Variants in FSTL4 observed in about 807,000 individuals in gnomAD.
FSTL4 encodes follistatin like 4.
Under a neutral mutation model 78.2 loss-of-function variants are expected in FSTL4, and 28 were observed. The ratio of observed to expected loss-of-function variants is 0.36; its 90% confidence interval spans 0.27 to 0.49. The LOEUF is 0.49. Among genes scored for constraint, FSTL4 ranks in the 20% least tolerant of loss-of-function variants. The pLI, the probability that FSTL4 is intolerant of heterozygous loss-of-function variation, is 0.98. For synonymous variants in FSTL4, 422 were observed against 440.5 expected (o/e 0.96, Z 0.53); for missense variants, 922 against 1,084.9 (o/e 0.85, Z 2.11).
intron 3 of FSTL4, among the ~76,000 whole-genome samples, chr5:133,552,157 T>C (rs1365411196): frequency 2.6e-5 from 4 of 152,102 alleles, no homozygotes. Context: ...CTTTCCTCTC[T>C]CCCCCATCTC....
In FSTL4 at chr5:133,399,304, G is replaced by A. The variant is rs144425012; in HGVS notation, c.409+1434C>T. 7.2e-5 allele frequency among the ~76,000 whole-genome samples: 11 copies of A among 152,286 alleles called. No homozygotes were observed. The East Asian group carries it at 9.6e-4, about 13-fold the overall frequency. The stretch of plus-strand genomic sequence containing the variant: ...TGGGCAGTGCTTCCAGAATGGGGAC[G>A]TTTTTCCTAGGCTCATTTTGGCCTC... On this transcript the variant is annotated intron_variant, in intron 4 of 15. Transcript: ENST00000265342.
chr5:133,491,348 C>T (rs189715846), intron 3 of FSTL4, among the ~76,000 whole-genome samples: 78 of 150,570 alleles, frequency 5.2e-4, no homozygotes, highest in Non-Finnish European at 8.7e-4. Context: ...CCCAATAATG[C>T]TTTTGTGCCT....
intron 3 of FSTL4, among the ~76,000 whole-genome samples, chr5:133,421,363 G>C (rs139804556): frequency 1.4e-4 from 21 of 152,338 alleles, no homozygotes; most frequent in African/African-American, 5.1e-4. Flanking sequence ...CCTAGCTGAG[G>C]CTCTACATTT....
the FSTL4 span, among the ~76,000 whole-genome samples, chr5:133,724,000 G>A: frequency 6.6e-6 from 1 of 152,250 alleles, no homozygotes; most frequent in African/African-American, 2.4e-5. Context: ...AAATTGGGCA[G>A]GCTGTGCCAT....
At chr5:133,694,839 G>A in the FSTL4 span, among the ~76,000 whole-genome samples, 7,141 of 152,256 alleles carry the variant, frequency 0.047, 248 homozygotes, top group Non-Finnish European at 0.073. Flanking sequence ...TCCTCACATG[G>A]CAGAGAGCAG....
At chr5:133,281,097 C>T (rs1752998005) in intron 6 of FSTL4, among the ~76,000 whole-genome samples, 2 of 152,202 alleles carry the variant, frequency 1.3e-5, no homozygotes, top group Admixed American at 6.5e-5. Flanking sequence ...TGAGCCTGCA[C>T]ACCGGTCCCT....
At chr5:133,333,047 C>T (rs1369629001) in intron 4 of FSTL4, among the ~76,000 whole-genome samples, 1 of 152,160 alleles carries the variant, frequency 6.6e-6, no homozygotes, top group African/African-American at 2.4e-5. Flanking sequence ...CACACACATA[C>T]ACACACACTC....
chr5:133,424,102 C>A (rs546180464), intron 3 of FSTL4, among the ~76,000 whole-genome samples: 54 of 152,330 alleles, frequency 3.5e-4, no homozygotes, highest in Non-Finnish European at 6.0e-4. Context: ...CTGTCTGACG[C>A]CAGCAGAAGA....
chr5:133,592,595 G>T (rs1355196543), intron 2 of FSTL4, among the ~76,000 whole-genome samples: 3 of 152,146 alleles, frequency 2.0e-5, no homozygotes, highest in Non-Finnish European at 4.4e-5. Flanking sequence ...CTCAGTGTTG[G>T]GGGTGAGGCC....
chr5:133,826,706 T>G, the FSTL4 span, among the ~76,000 whole-genome samples: 1 of 152,144 alleles, frequency 6.6e-6, no homozygotes, highest in African/African-American at 2.4e-5. Context: ...TGCAAAACTG[T>G]TTTTCCAAAT....
chr5:133,837,346 T>C, the FSTL4 span, among the ~76,000 whole-genome samples: 1 of 152,216 alleles, frequency 6.6e-6, no homozygotes, highest in Non-Finnish European at 1.5e-5. Flanking sequence ...CCACAGTCAT[T>C]TTAAAGCTCA....
At chr5:133,798,737 C>T in the FSTL4 span, among the ~76,000 whole-genome samples, 2 of 152,084 alleles carry the variant, frequency 1.3e-5, no homozygotes, top group East Asian at 1.9e-4. Context: ...CTCTCGTCCC[C>T]GCTCAGTTCT....
intron 7 of FSTL4, chr5:133,248,286 C>T (rs1338099975): frequency 6.6e-6 from 1 of 152,536 alleles, no homozygotes; most frequent in Non-Finnish European, 1.5e-5. Context: ...CCACCACCTT[C>T]GAGATGTTAG....
chr5:133,748,768 C>G, the FSTL4 span, among the ~76,000 whole-genome samples: 12 of 152,134 alleles, frequency 7.9e-5, no homozygotes, highest in Non-Finnish European at 1.5e-4. Context: ...GTGACTTGAC[C>G]CAGTCAGGCC....
intron 7 of FSTL4, 26 bp downstream of exon 7, chr5:133,249,384 C>T: frequency 6.2e-7 from 1 of 1,602,380 alleles, no homozygotes; most frequent in Non-Finnish European, 8.6e-7. Flanking sequence ...TGCGCTTGAG[C>T]TCAGAGTGAA....
intron 3 of FSTL4, among the ~76,000 whole-genome samples, chr5:133,542,985 A>G (rs1759508153): frequency 6.7e-6 from 1 of 149,304 alleles, no homozygotes; most frequent in Admixed American, 6.6e-5. Context: ...CCTTCCTTCA[A>G]CTTTATTTGG....
At chr5:133,488,434 G>T (rs2562368) in intron 3 of FSTL4, among the ~76,000 whole-genome samples, 56,120 of 151,910 alleles carry the variant, frequency 0.37, 11,309 homozygotes, top group African/African-American at 0.54. Context: ...TTTATATTTT[G>T]GTAGAGATGT....
chr5:133,838,081 T>A, the FSTL4 span, among the ~76,000 whole-genome samples: 13 of 152,014 alleles, frequency 8.6e-5, no homozygotes, highest in Non-Finnish European at 1.3e-4. Flanking sequence ...AAAGACAGGA[T>A]TTCACCATGT....
At chr5:133,797,440 T>C in the FSTL4 span, among the ~76,000 whole-genome samples, 1 of 152,250 alleles carries the variant, frequency 6.6e-6, no homozygotes, top group African/African-American at 2.4e-5. Flanking sequence ...TGCATGGCCT[T>C]AGATGTTGTT....
Sources: gnomAD v4.1 joint callset for allele counts (sites outside exome capture counted in the v4.1 genomes callset) on GRCh38, gnomAD v4.1.1 for gene constraint, MANE v1.5 for transcripts, NCBI Gene and HGNC (gene_info 2026-07-23, HGNC 2026-07-21) for gene names.